The following SLC43A2 variants were observed in gnomAD, a reference collection of about 807,000 sequenced individuals.
SLC43A2 encodes the protein solute carrier family 43 member 2.
In SLC43A2, 38 loss-of-function variants were observed where a neutral mutation model predicts 63.2. That is an observed-to-expected ratio of 0.60 (90% CI 0.46 to 0.79). The LOEUF is 0.79. Among genes scored for constraint, SLC43A2 ranks in the 30% least tolerant of loss-of-function variants. SLC43A2 has a pLI of 0.00. For missense variants in SLC43A2, 644 were observed against 756.2 expected (o/e 0.85, Z 1.74); for synonymous variants, 322 against 331.0 (o/e 0.97, Z 0.30).
chr17:1,597,525 C>T (rs1249684800), intron 5 of SLC43A2, among the ~76,000 whole-genome samples: 8 of 144,938 alleles, frequency 5.5e-5, no homozygotes, highest in East Asian at 2.0e-4. Context: ...TGAGGCCGGG[C>T]GAGGTGGCTC....
chr17:1,590,292 C>T (rs752514680), intron 9 of SLC43A2, among the ~76,000 whole-genome samples: 52 of 150,740 alleles, frequency 3.4e-4, no homozygotes, highest in African/African-American at 5.4e-4. Context: ...CTCAACTGTT[C>T]GCAAGCTCCG....
intron 5 of SLC43A2, among the ~76,000 whole-genome samples, chr17:1,609,448 C>T (rs899005976): frequency 6.4e-4 from 98 of 152,210 alleles, no homozygotes; most frequent in African/African-American, 1.9e-3. Flanking sequence ...GTGATCTGCC[C>T]GCCTCAGCCT....
At chr17:1,625,503 C>G (rs1461864860) in intron 2 of SLC43A2, among the ~76,000 whole-genome samples, 1 of 152,224 alleles carries the variant, frequency 6.6e-6, no homozygotes, top group African/African-American at 2.4e-5. Flanking sequence ...ATCTGCTTCT[C>G]TGCAATTCAG....
At position 1,583,354 on chromosome 17, in the gene SLC43A2, G is replaced by A. The variant is rs779078593; in HGVS notation, c.1218-18C>T. ...TCTCGCCTCTGTGGAGACACAGAAC[G>A]TGCAGGGGTGGGAGGGCTCCCCGGA... On this transcript the variant is annotated intron_variant, in intron 10 of 13. Transcript: ENST00000301335. This position sits in a 1 kb window ranked among gnomAD's most constrained non-coding sequence, Gnocchi z 5.5. 1.3e-5 allele frequency: 21 copies of A among 1,613,156 alleles called. No individual in the cohort carries two copies. Among genetic ancestry groups the A allele is most frequent in the Middle Eastern group, 3.3e-4 (2 of 6,052 alleles).
chr17:1,609,144 G>A (rs1906871217), intron 5 of SLC43A2, among the ~76,000 whole-genome samples: 1 of 152,188 alleles, frequency 6.6e-6, no homozygotes, highest in African/African-American at 2.4e-5. Flanking sequence ...GGAATGACAT[G>A]GCACTGGAAG....
At chr17:1,585,723 T>C in intron 10 of SLC43A2, 190 bp downstream of exon 10, 1 of 1,536,908 alleles carries the variant, frequency 6.5e-7, no homozygotes, top group Admixed American at 1.9e-5. Context: ...TCCAAACAAT[T>C]TCCATAAAGA....
rs571752060 is a variant in SLC43A2, at chr17:1,590,688, C to T, written c.1078+114G>A. On this transcript the variant is annotated intron_variant, in intron 9 of 13. Transcript: ENST00000301335. ...TGACGGGCAGACAGCTCCTGGGATG[C>T]GGCCTTTCCATGGCCCGGCTGGCCC... 45 of 1,341,900 alleles carry T rather than the reference C, an allele frequency of 3.4e-5. 1 individual carries two copies. The South Asian group carries it at 3.5e-4, about 10-fold the overall frequency. 83.1% of individuals were successfully genotyped at this position (1,341,900 alleles called of 1,614,324 possible). A position where few individuals can be genotyped will look rare whatever the true frequency, so the allele number is the denominator to read the frequency against.
Position 1,593,127 on chromosome 17 carries a change from G to A in SLC43A2, c.594+60C>T. ...CACAATTGCCTCCCTCTTCAGAGAG[G>A]GTGGAAGGAGCCTGGAGCAGGCCTC... is the stretch of plus-strand genomic sequence containing the variant. On this transcript the variant is annotated intron_variant, in intron 6 of 13. Transcript: ENST00000301335. The surrounding 1 kb of genome is among the most constrained non-coding windows in gnomAD (Gnocchi z 5.3). 2.0e-6 allele frequency: 3 copies of A among 1,529,958 alleles called. No homozygotes were observed. In the East Asian group the frequency reaches 6.9e-5, roughly 35 times the overall value. The allele number at this position is 1,529,958 out of a possible 1,614,324, so 94.8% of individuals were successfully genotyped here.
intron 13 of SLC43A2, among the ~76,000 whole-genome samples, chr17:1,576,040 C>CCT (rs977386163): frequency 6.6e-6 from 1 of 151,394 alleles, no homozygotes; most frequent in Non-Finnish European, 1.5e-5. Flanking sequence ...GAAATCTGGC[C>CCT]CTCGGAGGTG....
intron 5 of SLC43A2, among the ~76,000 whole-genome samples, chr17:1,599,157 G>A (rs1326952257): frequency 1.3e-5 from 2 of 151,988 alleles, no homozygotes; most frequent in Non-Finnish European, 2.9e-5. Context: ...TGGCCAACAT[G>A]GTGAAACCCC....
In SLC43A2 at chr17:1,605,925, G is replaced by A. The variant is rs1298100846; in HGVS notation, c.501+7270C>T. 6.6e-6 allele frequency among the ~76,000 whole-genome samples: 1 copy of A among 152,268 alleles called. No homozygotes were observed. The highest frequency in any genetic ancestry group is 6.5e-5 in the Admixed American group (1 of 15,288). On this transcript the variant is annotated intron_variant, in intron 5 of 13. Transcript: ENST00000301335. The surrounding 1 kb of genome is among the most constrained non-coding windows in gnomAD (Gnocchi z 4.9). ...TGCCTTCCCGGCCGGGTCCAGTCCT[G>A]CCAATACCGCTGCCCTTTCCGTCTG...
At position 1,591,719 on chromosome 17, in the gene SLC43A2, CGGGGTGGGGG is replaced by C; in HGVS notation, c.595-30_595-21del. The C allele has an allele frequency of 6.8e-5, 8 of 117,884 alleles. No homozygotes were observed. Among genetic ancestry groups the C allele is most frequent in the Non-Finnish European group, 1.3e-4 (7 of 55,260 alleles). The allele number at this position is 117,884 out of a possible 1,614,324, so 7.3% of individuals were successfully genotyped here. A position where few individuals can be genotyped will look rare whatever the true frequency, so the allele number is the denominator to read the frequency against. On this transcript the variant is annotated intron_variant, in intron 6 of 13. Coordinates refer to ENST00000301335, the MANE Select transcript of SLC43A2 (RefSeq NM_152346.3). ...GATGAGCTGACAGGCACCGCGGGGA[CGGGGTGGGGG>C]GGGGAGGGGGCAGAGTTAGCCCGGG...
At chr17:1,575,879 C>A in intron 13 of SLC43A2, 114 bp from the exon 14 acceptor site, 1 of 1,236,110 alleles carries the variant, frequency 8.1e-7, no homozygotes, top group Non-Finnish European at 1.1e-6. Flanking sequence ...GAAGGGGGAA[C>A]GAAACAGGAA....
At chr17:1,585,506 A>G (rs2076087936) in intron 10 of SLC43A2, 3 of 424,756 alleles carry the variant, frequency 7.1e-6, no homozygotes, top group African/African-American at 2.1e-5. Context: ...TCAACCTTCC[A>G]AAGTGTTGGT....
chr17:1,570,986 C>T lies in SLC43A2; in HGVS notation c.*4618G>A, dbSNP rs1329539807. 1.3e-5 allele frequency: 2 copies of T among 152,360 alleles called. No homozygotes were observed. The highest frequency in any genetic ancestry group is 2.9e-5 in the Non-Finnish European group (2 of 68,156). The allele number at this position is 152,360 out of a possible 1,614,324, so 9.4% of individuals were successfully genotyped here. A position where few individuals can be genotyped will look rare whatever the true frequency, so the allele number is the denominator to read the frequency against. Reference sequence around the variant, plus strand: ...TCCTCGGCCTGGGGTGGTGGCGCCTCGGTCTGAGAAGGGTCGAGGTCTGGG... The same window carrying T: ...TCCTCGGCCTGGGGTGGTGGCGCCTTGGTCTGAGAAGGGTCGAGGTCTGGG... On this transcript the variant is annotated 3_prime_UTR_variant, in exon 14 of 14. Coordinates refer to ENST00000301335, the MANE Select transcript of SLC43A2 (RefSeq NM_152346.3).
chr17:1,589,547 A>C (rs1567619419), intron 9 of SLC43A2, among the ~76,000 whole-genome samples: 1 of 152,142 alleles, frequency 6.6e-6, no homozygotes, highest in East Asian at 1.9e-4. Context: ...GCAACGCAGA[A>C]AGAGACCCTG....
chr17:1,591,010 C>A (rs1037941153), intron 8 of SLC43A2, 62 bp from the exon 9 acceptor site: 9 of 1,497,268 alleles, frequency 6.0e-6, no homozygotes, highest in Non-Finnish European at 8.2e-6. Context: ...CGGGGGGACA[C>A]GCAGATCCCT....
chr17:1,624,996 CT>C (rs1417094845), intron 2 of SLC43A2, among the ~76,000 whole-genome samples: 1 of 152,176 alleles, frequency 6.6e-6, no homozygotes, highest in Non-Finnish European at 1.5e-5. Context: ...GAAGAAAGAG[CT>C]CAGGAGTGGG....
chr17:1,591,181 C>T, intron 8 of SLC43A2, 88 bp downstream of exon 8: 1 of 1,522,022 alleles, frequency 6.6e-7, no homozygotes, highest in Non-Finnish European at 8.9e-7. Flanking sequence ...GGGGCCGCCT[C>T]CCCTTTTGGG....
Sources: gnomAD v4.1 joint callset for allele counts (sites outside exome capture counted in the v4.1 genomes callset) on GRCh38, gnomAD v4.1.1 for gene constraint, Gnocchi (gnomAD v3.1) non-coding constraint, MANE v1.5 for transcripts, NCBI Gene and HGNC (gene_info 2026-07-23, HGNC 2026-07-21) for gene names.